Variants in RTN4IP1 observed in about 807,000 individuals in gnomAD.
RTN4IP1 encodes reticulon 4 interacting protein 1.
Under a neutral mutation model 46.6 loss-of-function variants are expected in RTN4IP1, and 32 were observed. The observed-to-expected ratio is 0.69, with a 90% CI of 0.52 to 0.92. The LOEUF (loss-of-function observed/expected upper bound fraction) is 0.92. Ranked by LOEUF, RTN4IP1 falls within the 40% of genes least tolerant of loss-of-function variation. The pLI, the probability that RTN4IP1 is intolerant of heterozygous loss-of-function variation, is 0.00. For synonymous variants in RTN4IP1, 167 were observed against 161.8 expected, an observed-to-expected ratio of 1.03 and a Z score of -0.24; for missense variants, 424 against 485.8, an observed-to-expected ratio of 0.87 and a Z score of 1.20.
At chr6:106,583,141 G>A (rs186756499) in intron 8 of RTN4IP1, among the ~76,000 whole-genome samples, 187 bp downstream of exon 8, 2 of 152,352 alleles carry the variant, frequency 1.3e-5, no homozygotes, top group Admixed American at 1.3e-4. Context: ...GGAGCAGTCT[G>A]TGTCTATGCC....
At chr6:106,615,087 A>C (rs1023370078) in intron 4 of RTN4IP1, among the ~76,000 whole-genome samples, 4 of 151,848 alleles carry the variant, frequency 2.6e-5, no homozygotes, top group African/African-American at 9.7e-5. Flanking sequence ...TTGTTTATGC[A>C]AGAAAACAGC....
intron 4 of RTN4IP1, among the ~76,000 whole-genome samples, chr6:106,605,329 G>A (rs1034311181): frequency 4.0e-5 from 6 of 151,884 alleles, no homozygotes; most frequent in African/African-American, 1.5e-4. Flanking sequence ...AGGAGGCTGA[G>A]GCATGAGAAT....
chr6:106,622,869 G>C lies in RTN4IP1; in HGVS notation c.375C>G (p.Gly125=), dbSNP rs749275417. 10 of 1,614,012 alleles carry C rather than the reference G, an allele frequency of 6.2e-6. No individual in the cohort carries two copies. The African/African-American group carries it at 1.2e-4, about 19-fold the overall frequency. ...CATCAAGCCCACATTCCATCACCAC[G>C]CCAGAGACATCCCGACCCAGAGTCA... is the stretch of plus-strand genomic sequence containing the variant. ...FPLTLGRDVS[G]VVMECGLDVK... Residue 125 remains glycine (G), a synonymous_variant, in exon 2 of 9, where the codon GGC becomes GGG. Transcript: ENST00000369063.
chr6:106,575,297 A>G (rs1775196838), intron 8 of RTN4IP1, among the ~76,000 whole-genome samples: 1 of 152,242 alleles, frequency 6.6e-6, no homozygotes, highest in Non-Finnish European at 1.5e-5. Flanking sequence ...GGACGCTCAC[A>G]GCAGCAGCCC....
At chr6:106,605,646 T>C (rs1390296412) in intron 4 of RTN4IP1, among the ~76,000 whole-genome samples, 41 of 151,346 alleles carry the variant, frequency 2.7e-4, no homozygotes. Context: ...ATCCTGTCTC[T>C]ACTAAAAAAA....
rs760304926 is a variant in RTN4IP1, at chr6:106,622,798, A to C, written c.426+20T>G. On this transcript the variant is annotated intron_variant, in intron 2 of 8. Coordinates refer to ENST00000369063, the MANE Select transcript of RTN4IP1 (RefSeq NM_032730.5). ...CTGTGGGTTGGATCCCCGCAGGAATAGTGGCATTCCCTAACTCACCTCATC... is the reference window on the plus strand; with the variant it reads ...CTGTGGGTTGGATCCCCGCAGGAATCGTGGCATTCCCTAACTCACCTCATC... 4.4e-6 allele frequency: 7 copies of C among 1,605,926 alleles called. No individual in the cohort carries two copies. The highest frequency in any genetic ancestry group is 5.1e-6 in the Non-Finnish European group (6 of 1,175,454).
chr6:106,628,778 T>C lies in RTN4IP1; in HGVS notation c.244A>G (p.Ser82Gly), dbSNP rs769546654. ...ATATTAACGTCTATAGGATTTACAC[T>C]GGCAGCGTGAACTTTGACAATGACT... ...NEVIVKVHAA[S>G]VNPIDVNMRS... Residue 82 changes from serine (S) to glycine (G), a missense_variant, in exon 1 of 9, where the codon AGT becomes GGT. By Grantham distance (56) the Ser-to-Gly change is moderately conservative. Coordinates refer to ENST00000369063, the MANE Select transcript of RTN4IP1 (RefSeq NM_032730.5). The C allele has an allele frequency of 6.2e-7, 1 of 1,614,050 alleles. No individual in the cohort carries two copies. Among genetic ancestry groups the C allele is most frequent in the Admixed American group, 1.7e-5 (1 of 60,022 alleles).
intron 8 of RTN4IP1, among the ~76,000 whole-genome samples, chr6:106,578,831 C>G (rs574626259): frequency 5.1e-4 from 77 of 151,910 alleles, no homozygotes; most frequent in Admixed American, 2.3e-3. Flanking sequence ...AGATAAGGAT[C>G]GGCAAACTTT....
intron 4 of RTN4IP1, among the ~76,000 whole-genome samples, chr6:106,610,371 A>T (rs553418826): frequency 6.6e-6 from 1 of 152,190 alleles, no homozygotes; most frequent in South Asian, 2.1e-4. Context: ...GCGGCAAAAT[A>T]AATTTTCAAG....
chr6:106,574,969 T>A (rs750079868), intron 8 of RTN4IP1, among the ~76,000 whole-genome samples: 6 of 151,954 alleles, frequency 3.9e-5, no homozygotes, highest in Non-Finnish European at 5.9e-5. Context: ...TAAGTGACAA[T>A]GGAAAAAAAG....
At chr6:106,594,325 T>C (rs1775730998) in intron 5 of RTN4IP1, among the ~76,000 whole-genome samples, 2 of 152,038 alleles carry the variant, frequency 1.3e-5, no homozygotes, top group Admixed American at 1.3e-4. Flanking sequence ...CTAGGCAACG[T>C]AGTGAAACCC....
intron 1 of RTN4IP1, among the ~76,000 whole-genome samples, chr6:106,625,804 C>T (rs945107456): frequency 1.3e-5 from 2 of 151,534 alleles, no homozygotes; most frequent in African/African-American, 4.8e-5. Context: ...GCTGGGATTA[C>T]AGGCATGCGC....
chr6:106,627,743 C>CTTTTTTTTT (rs759953237), intron 1 of RTN4IP1, among the ~76,000 whole-genome samples: 3 of 52,990 alleles, frequency 5.7e-5, no homozygotes, highest in South Asian at 1.0e-3. Context: ...CATTTCAATG[C>CTTTTTTTTT]TTTTTTTTTT....
chr6:106,577,255 C>A (rs1056853823), intron 8 of RTN4IP1, among the ~76,000 whole-genome samples: 5 of 151,922 alleles, frequency 3.3e-5, no homozygotes, highest in African/African-American at 1.2e-4. Flanking sequence ...GGCAACATGG[C>A]AAAACCTTGT....
chr6:106,613,241 T>C (rs930774716), intron 4 of RTN4IP1, among the ~76,000 whole-genome samples: 5 of 152,150 alleles, frequency 3.3e-5, no homozygotes, highest in African/African-American at 9.7e-5. Context: ...CACTTCTGTG[T>C]AAAGTTAAGT....
chr6:106,596,335 C>T (rs944703112), intron 5 of RTN4IP1, among the ~76,000 whole-genome samples: 1 of 152,170 alleles, frequency 6.6e-6, no homozygotes, highest in Non-Finnish European at 1.5e-5. Flanking sequence ...AAAATCCCAG[C>T]ACTTTGGGAG....
At chr6:106,587,944 G>T in intron 6 of RTN4IP1, 82 bp from the exon 7 acceptor site, 1 of 1,246,818 alleles carries the variant, frequency 8.0e-7, no homozygotes. Context: ...AGTACCAGTT[G>T]GCTTAGGGTT....
intron 1 of RTN4IP1, among the ~76,000 whole-genome samples, chr6:106,626,305 TACA>T (rs1776641299): frequency 6.6e-6 from 1 of 151,988 alleles, no homozygotes. Flanking sequence ...ATACCAACAT[TACA>T]ACATTTGCCA....
At chr6:106,580,580 G>T (rs950850343) in intron 8 of RTN4IP1, among the ~76,000 whole-genome samples, 14 of 152,054 alleles carry the variant, frequency 9.2e-5, no homozygotes, top group Middle Eastern at 3.4e-3. Context: ...TTAGCCAGGT[G>T]TGGTGGTGGG....
Sources: allele counts gnomAD v4.1 joint callset (sites outside exome capture counted in the v4.1 genomes callset), GRCh38; gene constraint gnomAD v4.1.1; transcripts MANE v1.5; gene names NCBI Gene and HGNC (gene_info 2026-07-23, HGNC 2026-07-21).